RGPD2: variants seen among roughly 807,000 people sequenced by gnomAD.
RGPD2 encodes RANBP2-like and GRIP domain-containing protein 2.
RGPD2 carries 2 observed loss-of-function variants against 36.0 expected under a neutral mutation model. The ratio of observed to expected loss-of-function variants is 0.06; its 90% CI spans 0.02 to 0.17. The LOEUF (loss-of-function observed/expected upper bound fraction) is 0.17. RGPD2 is among the 10% of genes least tolerant of loss of function. The pLI, the probability that RGPD2 is intolerant of heterozygous loss-of-function variation, is 1.00. For synonymous variants in RGPD2, 19 were observed against 163.8 expected (o/e 0.12, Z 6.75); for missense variants, 40 against 464.3 (o/e 0.09, Z 8.40).
the RGPD2 span, among the ~76,000 whole-genome samples, chr2:87,867,701 T>C: frequency 6.6e-6 from 1 of 151,736 alleles, no homozygotes. Flanking sequence ...CTTCTATTCT[T>C]ATAATTTGAG....
chr2:87,938,215 A>C, the RGPD2 span, among the ~76,000 whole-genome samples: 1 of 151,788 alleles, frequency 6.6e-6, no homozygotes, highest in East Asian at 1.9e-4. Flanking sequence ...TAATTAAATG[A>C]TCTTGTGACA....
At chr2:87,871,736 A>G in the RGPD2 span, among the ~76,000 whole-genome samples, 1,247 of 151,578 alleles carry the variant, frequency 8.2e-3, no homozygotes, top group South Asian at 0.025. Context: ...GTGGTGGTGC[A>G]TGCCTGTAAT....
the RGPD2 span, among the ~76,000 whole-genome samples, chr2:87,837,342 C>A: frequency 1.3e-5 from 2 of 151,664 alleles, 1 homozygote; most frequent in Non-Finnish European, 2.9e-5. Context: ...TCGACAAATT[C>A]ATAAAAACTG....
chr2:87,989,331 TG>T, the RGPD2 span, among the ~76,000 whole-genome samples: 1 of 143,614 alleles, frequency 7.0e-6, no homozygotes, highest in Non-Finnish European at 1.5e-5. Context: ...AAACTTTAAA[TG>T]TAATTATTTG....
chr2:87,838,129 T>TAC, the RGPD2 span, among the ~76,000 whole-genome samples: 7 of 150,968 alleles, frequency 4.6e-5, no homozygotes, highest in Admixed American at 4.6e-4. Flanking sequence ...CAAGTAGTAC[T>TAC]ACCAGACATA....
the RGPD2 span, among the ~76,000 whole-genome samples, chr2:87,957,335 C>CA: frequency 2.7e-3 from 342 of 126,264 alleles, 2 homozygotes; most frequent in African/African-American, 0.011. Flanking sequence ...GAAGACACAG[C>CA]AAAAAAGCAA....
the RGPD2 span, chr2:87,968,726 T>G: frequency 4.3e-6 from 1 of 233,914 alleles, no homozygotes; most frequent in Non-Finnish European, 8.3e-6. Flanking sequence ...ATTAAGAGCC[T>G]GGCTGAAACC....
chr2:87,847,682 A>G, the RGPD2 span, among the ~76,000 whole-genome samples: 1 of 150,710 alleles, frequency 6.6e-6, no homozygotes, highest in Non-Finnish European at 1.5e-5. Flanking sequence ...TATTTTTAGT[A>G]GAGACAGGAT....
the RGPD2 span, among the ~76,000 whole-genome samples, chr2:87,981,714 T>C: frequency 7.2e-6 from 1 of 138,816 alleles, no homozygotes; most frequent in East Asian, 2.1e-4. Context: ...CTACTTCACA[T>C]GGGCATTGAC....
intron 6 of RGPD2, 76 bp from the exon 7 acceptor site, chr2:87,806,967 CAAAAT>C (rs1273580534): frequency 3.4e-5 from 1 of 28,992 alleles, no homozygotes; most frequent in Admixed American, 4.2e-4. Context: ...TAATTCAAAA[CAAAAT>C]AAAAATTTTA....
At chr2:87,919,638 CAA>C in the RGPD2 span, among the ~76,000 whole-genome samples, 1 of 145,102 alleles carries the variant, frequency 6.9e-6, no homozygotes. Context: ...TGGAAAAATG[CAA>C]AGATATACTT....
rs1686786340 is a variant in RGPD2 at position 87,825,791 on chromosome 2, A to G, written c.-62T>C. The G allele has an allele frequency of 6.0e-6, 9 of 1,500,648 alleles. No individual in the cohort carries two copies. The highest frequency in any genetic ancestry group is 2.2e-5 in the Admixed American group (1 of 44,910). The allele number at this position is 1,500,648 out of a possible 1,614,324, so 93.0% of individuals were successfully genotyped here. ...AGCGCTCAGCCCCGCAGCAGTCGCC[A>G]ATTCCAACAGGAAAGCGCCTGAAAG... On this transcript the variant is annotated 5_prime_UTR_variant, in exon 1 of 23. Transcript: ENST00000398146.
At chr2:87,877,923 T>C in the RGPD2 span, among the ~76,000 whole-genome samples, 2 of 151,934 alleles carry the variant, frequency 1.3e-5, no homozygotes, top group East Asian at 1.9e-4. Flanking sequence ...TTCCCCTTTG[T>C]AGGTGACCTG....
chr2:87,988,542 T>TATATATATATATATATA, the RGPD2 span, among the ~76,000 whole-genome samples: 1,883 of 36,656 alleles, frequency 0.051, 116 homozygotes, highest in East Asian at 0.12. Flanking sequence ...TATATATATA[T>TATATATATATATATATA]TTTTTTTTTT....
chr2:87,932,931 G>C, the RGPD2 span, among the ~76,000 whole-genome samples: 1 of 138,302 alleles, frequency 7.2e-6, no homozygotes. Flanking sequence ...ATGTGTCTTG[G>C]TGATGATCTT....
chr2:87,876,902 T>C, the RGPD2 span, among the ~76,000 whole-genome samples: 4 of 152,184 alleles, frequency 2.6e-5, no homozygotes, highest in African/African-American at 9.7e-5. Context: ...ATTAGGTGCA[T>C]ATATAATTAG....
chr2:87,825,645 G>A lies in RGPD2; in HGVS notation c.72+13C>T, dbSNP rs774888656. 51 of 1,563,408 alleles carry A rather than the reference G, an allele frequency of 3.3e-5. No homozygotes were observed. The highest frequency in any genetic ancestry group is 4.3e-5 in the Non-Finnish European group (50 of 1,153,846). Reference sequence around the variant, plus strand: ...CCAGGTCGAGGCCGTCGGTCTCTTCGAGATCCACTCACCTTTCCAGGCGAC... The same window carrying A: ...CCAGGTCGAGGCCGTCGGTCTCTTCAAGATCCACTCACCTTTCCAGGCGAC... On this transcript the variant is annotated intron_variant, in intron 1 of 22. Coordinates refer to ENST00000398146, the MANE Select transcript of RGPD2 (RefSeq NM_001078170.3).
the RGPD2 span, among the ~76,000 whole-genome samples, chr2:87,857,807 T>G: frequency 6.7e-6 from 1 of 150,204 alleles, no homozygotes; most frequent in African/African-American, 2.5e-5. Flanking sequence ...ATTAGCATGT[T>G]TTATGACTTT....
chr2:87,963,673 C>T, the RGPD2 span, among the ~76,000 whole-genome samples: 1 of 76,168 alleles, frequency 1.3e-5, no homozygotes, highest in African/African-American at 8.9e-5. Flanking sequence ...GAGAAAGACC[C>T]TGTCTCAAAA....
Sources: gnomAD v4.1 joint callset for allele counts (sites outside exome capture counted in the v4.1 genomes callset) on GRCh38, gnomAD v4.1.1 for gene constraint, MANE v1.5 for transcripts, NCBI Gene and HGNC (gene_info 2026-07-23, HGNC 2026-07-21) for gene names.